Variants in HOXD13 observed in about 807,000 individuals in gnomAD.
The protein encoded by HOXD13 is homeobox D13.
In HOXD13, 16 loss-of-function variants were observed where a neutral mutation model predicts 27.3. That is an observed-to-expected ratio of 0.59 (90% CI 0.40 to 0.89). HOXD13 has a LOEUF of 0.89. Ranked by LOEUF, HOXD13 falls within the 40% of genes least tolerant of loss-of-function variation. HOXD13 has a pLI of 0.00. For missense variants in HOXD13, 481 were observed against 482.6 expected (o/e 1.00, Z 0.03); for synonymous variants, 241 against 219.0 (o/e 1.10, Z -0.89).
Position 176,093,796 on chromosome 2 carries a change from G to A in HOXD13, c.781+125G>A, listed in dbSNP as rs1689370330. On this transcript the variant is annotated intron_variant, in intron 1 of 1. Coordinates refer to ENST00000392539, the MANE Select transcript of HOXD13 (RefSeq NM_000523.4). ...GTGCCTGTGCTCCACACGTGACCAGGGTTAACCCAGTGGAAATTTGTCCAG... is the reference window on the plus strand; with the variant it reads ...GTGCCTGTGCTCCACACGTGACCAGAGTTAACCCAGTGGAAATTTGTCCAG... 9 of 653,726 alleles carry A rather than the reference G, an allele frequency of 1.4e-5. No individual in the cohort carries two copies. The East Asian group carries it at 2.5e-4, about 18-fold the overall frequency. The allele number at this position is 653,726 out of a possible 1,614,324, so 40.5% of individuals were successfully genotyped here.
upstream of HOXD13, among the ~76,000 whole-genome samples, chr2:176,092,629 G>A (rs1689337418): frequency 4.6e-5 from 7 of 152,152 alleles, no homozygotes; most frequent in Admixed American, 4.6e-4. Flanking sequence ...CCCCGGCGGG[G>A]GCCCTCGGGG....
chr2:176,094,565 A>G lies in HOXD13; in HGVS notation c.867A>G (p.Lys289=). 1 of 1,614,154 alleles carries G rather than the reference A, an allele frequency of 6.2e-7. No individual in the cohort carries two copies. The highest frequency in any genetic ancestry group is 8.5e-7 in the Non-Finnish European group (1 of 1,179,982). ...KRVPYTKLQL[K]ELENEYAINK... Reference sequence around the variant, plus strand: ...TGCCTTACACCAAACTGCAGCTTAAAGAACTGGAGAACGAGTATGCCATTA... The same window carrying G: ...TGCCTTACACCAAACTGCAGCTTAAGGAACTGGAGAACGAGTATGCCATTA... The change falls in exon 2 of 2, where the codon AAA becomes AAG. Residue 289 remains lysine, a synonymous_variant. Transcript: ENST00000392539.
At position 176,095,366 on chromosome 2, in the gene HOXD13, G is replaced by A. The variant is rs1689397446; in HGVS notation, c.*636G>A. 1 of 228,352 alleles carries A rather than the reference G, an allele frequency of 4.4e-6. No homozygotes were observed. Among genetic ancestry groups the A allele is most frequent in the Non-Finnish European group, 8.7e-6 (1 of 114,884 alleles). 14.1% of individuals were successfully genotyped at this position (228,352 alleles called of 1,614,324 possible). Reference sequence around the variant, plus strand: ...ATGAAGACAATCTTTCCAACTTTGGGTGTTTCACTTGCTGTTTTAATTGTT... The same window carrying A: ...ATGAAGACAATCTTTCCAACTTTGGATGTTTCACTTGCTGTTTTAATTGTT... On this transcript the variant is annotated 3_prime_UTR_variant, in exon 2 of 2. Transcript: ENST00000392539.
chr2:176,093,870 A>T (rs1222131461), intron 1 of HOXD13, among the ~76,000 whole-genome samples, 199 bp downstream of exon 1: 1 of 152,198 alleles, frequency 6.6e-6, no homozygotes, highest in East Asian at 1.9e-4. Flanking sequence ...TGCCTCCGTC[A>T]CTGCCCTTTC....
rs539442835 is a variant in HOXD13, at chr2:176,094,908, A to T, written c.*178A>T. On this transcript the variant is annotated 3_prime_UTR_variant, in exon 2 of 2. Coordinates refer to ENST00000392539, the MANE Select transcript of HOXD13 (RefSeq NM_000523.4). ...CTAAAACCTTCTGCTGCCCAACCTG[A>T]CTTTGTAGTTCTGATTTTTACTTGT... 1.6e-6 allele frequency: 1 copy of T among 609,112 alleles called. No homozygotes were observed. The highest frequency in any genetic ancestry group is 2.9e-5 in the Admixed American group (1 of 34,828). The allele number at this position is 609,112 out of a possible 1,614,324, so 37.7% of individuals were successfully genotyped here.
chr2:176,094,400 C>A, intron 1 of HOXD13, 80 bp from the exon 2 acceptor site: 1 of 1,535,164 alleles, frequency 6.5e-7, no homozygotes, highest in South Asian at 1.1e-5. Flanking sequence ...CACACACACA[C>A]ACACACACAC....
At chr2:176,089,012 TC>T (rs1689283189), upstream of HOXD13, among the ~76,000 whole-genome samples, 1 of 152,230 alleles carries the variant, frequency 6.6e-6, no homozygotes, top group Admixed American at 6.5e-5. Flanking sequence ...CAAACCTGGT[TC>T]CACCAAATAA....
At chr2:176,092,651 C>T (rs1483046622), upstream of HOXD13, among the ~76,000 whole-genome samples, 7 of 152,086 alleles carry the variant, frequency 4.6e-5, no homozygotes, top group South Asian at 1.5e-3. Flanking sequence ...GGGAGGCGGC[C>T]CCCCGACCGG....
chr2:176,095,443 CAT>C lies in HOXD13; in HGVS notation c.*714_*715del, dbSNP rs554637608. The C allele has an allele frequency of 3.2e-3, 728 of 229,908 alleles. 1 individual carries two copies. The highest frequency in any genetic ancestry group is 5.1e-3 in the Non-Finnish European group (586 of 115,812). 14.2% of individuals were successfully genotyped at this position (229,908 alleles called of 1,614,324 possible). The stretch of plus-strand genomic sequence containing the variant: ...TTTTCATAATCTTTAATTTGAAACT[CAT>C]GTGTCCTCATGGATCGTGGATGCCT... On this transcript the variant is annotated 3_prime_UTR_variant, in exon 2 of 2. Coordinates refer to ENST00000392539, the MANE Select transcript of HOXD13 (RefSeq NM_000523.4).
chr2:176,092,839 T>G lies in HOXD13; in HGVS notation c.-52T>G. 2.5e-5 allele frequency: 27 copies of G among 1,092,774 alleles called. No individual in the cohort carries two copies. The highest frequency in any genetic ancestry group is 3.1e-5 in the Non-Finnish European group (27 of 869,812). 67.7% of individuals were successfully genotyped at this position (1,092,774 alleles called of 1,614,324 possible). On this transcript the variant is annotated 5_prime_UTR_variant, in exon 1 of 2. It removes an upstream start codon present in the reference 5' UTR. Coordinates refer to ENST00000392539, the MANE Select transcript of HOXD13 (RefSeq NM_000523.4). ...AGGAGGGAGGAGGCGCGCCGCGCCA[T>G]GGTGTCCTGCGCGGGGCCAGGGCCA...
upstream of HOXD13, among the ~76,000 whole-genome samples, chr2:176,088,257 C>G (rs900569303): frequency 6.6e-6 from 1 of 152,256 alleles, no homozygotes; most frequent in African/African-American, 2.4e-5. Flanking sequence ...ACTCAGATTT[C>G]GAGCCCTCGG....
chr2:176,093,529 C>G lies in HOXD13; in HGVS notation c.639C>G (p.Phe213Leu), dbSNP rs2105379139. 1 of 1,614,026 alleles carries G rather than the reference C, an allele frequency of 6.2e-7. No homozygotes were observed. The highest frequency in any genetic ancestry group is 8.5e-7 in the Non-Finnish European group (1 of 1,180,020). Residue 213 changes from phenylalanine (F) to leucine (L), a missense_variant, in exon 1 of 2, where the codon TTC becomes TTG. Coordinates refer to ENST00000392539, the MANE Select transcript of HOXD13 (RefSeq NM_000523.4). ...GCTATATCGACATGGTGTCCACTTTCGGCTCCGGGGAGCCTCGGCACGAGG... is the reference window on the plus strand; with the variant it reads ...GCTATATCGACATGGTGTCCACTTTGGGCTCCGGGGAGCCTCGGCACGAGG... Reference protein sequence around the residue: ...VPGYIDMVSTFGSGEPRHEAY... With the variant: ...VPGYIDMVSTLGSGEPRHEAY...
Position 176,092,957 on chromosome 2 carries a change from C to A in HOXD13, c.67C>A (p.Pro23Thr), listed in dbSNP as rs1574942772. 10 of 1,335,166 alleles carry A rather than the reference C, an allele frequency of 7.5e-6. No homozygotes were observed. In the East Asian group the frequency reaches 3.2e-4, roughly 43 times the overall value. 82.7% of individuals were successfully genotyped at this position (1,335,166 alleles called of 1,614,324 possible). The change falls in exon 1 of 2, where the codon CCG becomes ACG. Residue 23 changes from proline to threonine, a missense_variant. Coordinates refer to ENST00000392539, the MANE Select transcript of HOXD13 (RefSeq NM_000523.4). ...RADGGGAGGA[P>T]ASSSSSSVAA... The stretch of plus-strand genomic sequence containing the variant: ...AGACGGCGGGGGCGCCGGTGGCGCC[C>A]CGGCCTCTTCCTCCTCCTCATCGGT...
rs1689397188 is a variant in HOXD13, at chr2:176,095,350, A to G, written c.*620A>G. 1 of 228,056 alleles carries G rather than the reference A, an allele frequency of 4.4e-6. No individual in the cohort carries two copies. The highest frequency in any genetic ancestry group is 1.8e-4 in the South Asian group (1 of 5,486). The allele number at this position is 228,056 out of a possible 1,614,324, so 14.1% of individuals were successfully genotyped here. The stretch of plus-strand genomic sequence containing the variant: ...TTGTATCAATATTGAAATGAAGACA[A>G]TCTTTCCAACTTTGGGTGTTTCACT... On this transcript the variant is annotated 3_prime_UTR_variant, in exon 2 of 2. Coordinates refer to ENST00000392539, the MANE Select transcript of HOXD13 (RefSeq NM_000523.4).
At position 176,093,214 on chromosome 2, in the gene HOXD13, A is replaced by C. The variant is rs1343197534; in HGVS notation, c.324A>C (p.Pro108=). The C allele has an allele frequency of 6.2e-7, 1 of 1,609,698 alleles. No homozygotes were observed. ...AGGCTCCCCCAGCCAAAGAGTGCCC[A>C]GCACCCACGCCTGCAGCGGCCGCTG... ...RPEAPPAKEC[P]APTPAAAAAA... is the part of the protein sequence containing the mutation. Residue 108 remains proline (P), a synonymous_variant, in exon 1 of 2, where the codon CCA becomes CCC. Coordinates refer to ENST00000392539, the MANE Select transcript of HOXD13 (RefSeq NM_000523.4).
At chr2:176,087,615 G>T in the HOXD13 span, among the ~76,000 whole-genome samples, 4 of 152,208 alleles carry the variant, frequency 2.6e-5, no homozygotes, top group African/African-American at 9.7e-5. Context: ...TGAAGGCCAA[G>T]GCTGGGAACA....
Position 176,093,437 on chromosome 2 carries a change from G to T in HOXD13, c.547G>T (p.Val183Leu). The change falls in exon 1 of 2, where the codon GTG (valine) becomes TTG (leucine). Residue 183 changes from valine (V) to leucine (L), a missense_variant. Val to Leu is a conservative substitution (Grantham distance 32, BLOSUM62 1). Transcript: ENST00000392539. ...GAGCAGCAGCGTACCGGCCAACGAG[G>T]TGCCAGCGCGAGCCAAGGAGGTATC... The part of the protein sequence containing the change: ...LASSSVPANE[V>L]PARAKEVSFY... The T allele has an allele frequency of 6.2e-7, 1 of 1,613,960 alleles. No individual in the cohort carries two copies. The highest frequency in any genetic ancestry group is 8.5e-7 in the Non-Finnish European group (1 of 1,180,030).
chr2:176,092,915 A>G lies in HOXD13; in HGVS notation c.25A>G (p.Met9Val), dbSNP rs1370202684. 1.1e-5 allele frequency: 15 copies of G among 1,317,710 alleles called. No homozygotes were observed. Among genetic ancestry groups the G allele is most frequent in the African/African-American group, 1.5e-5 (1 of 64,536 alleles). 81.6% of individuals were successfully genotyped at this position (1,317,710 alleles called of 1,614,324 possible). Residue 9 changes from methionine to valine, a missense_variant, in exon 1 of 2, where the codon ATG becomes GTG. Transcript: ENST00000392539. ...CATGAGCCGCGCCGGGAGCTGGGAC[A>G]TGGACGGGCTGCGGGCAGACGGCGG... Reference protein sequence around the residue: MSRAGSWDMDGLRADGGGA... With the variant: MSRAGSWDVDGLRADGGGA...
At position 176,095,727 on chromosome 2, in the gene HOXD13, A is replaced by G. The variant is rs1245767825; in HGVS notation, c.*997A>G. 1 of 224,422 alleles carries G rather than the reference A, an allele frequency of 4.5e-6. No individual in the cohort carries two copies. Among genetic ancestry groups the G allele is most frequent in the East Asian group, 6.5e-5 (1 of 15,408 alleles). The allele number at this position is 224,422 out of a possible 1,614,324, so 13.9% of individuals were successfully genotyped here. A position where few individuals can be genotyped will look rare whatever the true frequency, so the allele number is the denominator to read the frequency against. On this transcript the variant is annotated 3_prime_UTR_variant, in exon 2 of 2. Transcript: ENST00000392539. Reference sequence around the variant, plus strand: ...GTAAAGCATCTAACAAATATGAAAAATGTGAAGTTCCAAGGTCCAAGAAGA... The same window carrying G: ...GTAAAGCATCTAACAAATATGAAAAGTGTGAAGTTCCAAGGTCCAAGAAGA...
Sources: gnomAD v4.1 joint callset for allele counts (sites outside exome capture counted in the v4.1 genomes callset) on GRCh38, gnomAD v4.1.1 for gene constraint, MANE v1.5 for transcripts, NCBI Gene and HGNC (gene_info 2026-07-23, HGNC 2026-07-21) for gene names.